GPC5: variants seen among roughly 807,000 people sequenced by gnomAD.
GPC5 encodes the protein glypican-5.
GPC5 carries 47 observed loss-of-function variants against 53.9 expected under a neutral mutation model. The ratio of observed to expected loss-of-function variants is 0.87; its 90% confidence interval spans 0.69 to 1.11. The LOEUF (loss-of-function observed/expected upper bound fraction) is 1.11. Among genes scored for constraint, GPC5 ranks in the 50% most tolerant of loss-of-function variants. GPC5 has a pLI of 0.00. For missense variants in GPC5, 748 were observed against 713.1 expected (o/e 1.05, Z -0.56); for synonymous variants, 286 against 263.3 (o/e 1.09, Z -0.84).
intron 7 of GPC5, among the ~76,000 whole-genome samples, chr13:92,416,788 C>T (rs1041589058): frequency 6.6e-6 from 1 of 152,072 alleles, no homozygotes; most frequent in Non-Finnish European, 1.5e-5. Flanking sequence ...AAACAACTCA[C>T]AATGTGGGAG....
At chr13:92,009,227 T>C (rs886425199) in intron 6 of GPC5, among the ~76,000 whole-genome samples, 2 of 147,720 alleles carry the variant, frequency 1.4e-5, no homozygotes, top group African/African-American at 4.9e-5. Flanking sequence ...TCATTATTTT[T>C]TTTTATCTGT....
chr13:92,595,083 T>TTTCTG (rs1883826564), intron 7 of GPC5, among the ~76,000 whole-genome samples: 1 of 152,182 alleles, frequency 6.6e-6, no homozygotes, highest in South Asian at 2.1e-4. Flanking sequence ...TTACCTAGAT[T>TTTCTG]CAAGAAGGCA....
chr13:91,994,050 C>G (rs991359468), intron 6 of GPC5, among the ~76,000 whole-genome samples: 2 of 152,154 alleles, frequency 1.3e-5, no homozygotes, highest in African/African-American at 4.8e-5. Flanking sequence ...AACTGCCTAA[C>G]GTTGAGATGT....
At chr13:92,110,683 C>T (rs961838436) in intron 6 of GPC5, among the ~76,000 whole-genome samples, 1 of 152,162 alleles carries the variant, frequency 6.6e-6, no homozygotes, top group African/African-American at 2.4e-5. Flanking sequence ...TTTTAGTTCT[C>T]TAAGGCTACA....
At chr13:91,680,753 A>G (rs1330691165) in intron 2 of GPC5, among the ~76,000 whole-genome samples, 2 of 152,226 alleles carry the variant, frequency 1.3e-5, no homozygotes, top group African/African-American at 4.8e-5. Flanking sequence ...TTTTCTTCAT[A>G]TACCTTGACC....
chr13:92,458,307 G>C (rs1180970365), intron 7 of GPC5, among the ~76,000 whole-genome samples: 1 of 135,536 alleles, frequency 7.4e-6, no homozygotes, highest in Non-Finnish European at 1.6e-5. Context: ...TTTTTTTGGG[G>C]GGGGCAGGGT....
At chr13:92,133,630 T>C (rs558958832) in intron 6 of GPC5, among the ~76,000 whole-genome samples, 1 of 152,272 alleles carries the variant, frequency 6.6e-6, no homozygotes, top group Non-Finnish European at 1.5e-5. Context: ...CCTCCCTCTC[T>C]CCCTTCTATG....
At position 91,437,478 on chromosome 13, in the gene GPC5, T is replaced by C. The variant is rs537048898; in HGVS notation, c.164-11283T>C. On this transcript the variant is annotated intron_variant, in intron 1 of 7. Coordinates refer to ENST00000377067, the MANE Select transcript of GPC5 (RefSeq NM_004466.6). ...TTTGGTTGGATATGAAATTCTGGGT[T>C]GAAAATTCTTTTCTTTAAGAATGTT... Among the ~76,000 whole-genome samples the C allele has an allele frequency of 3.9e-5, 6 of 152,354 alleles. No homozygotes were observed. The East Asian group carries it at 9.6e-4, about 24-fold the overall frequency.
intron 7 of GPC5, among the ~76,000 whole-genome samples, chr13:92,832,913 C>A (rs1249131843): frequency 6.6e-6 from 1 of 152,128 alleles, no homozygotes; most frequent in Non-Finnish European, 1.5e-5. Flanking sequence ...AAGGCTGAGG[C>A]AGAAGAATCA....
chr13:92,685,061 T>C (rs1367467697), intron 7 of GPC5, among the ~76,000 whole-genome samples: 2 of 151,978 alleles, frequency 1.3e-5, no homozygotes, highest in Non-Finnish European at 2.9e-5. Flanking sequence ...CCTTTCCCTT[T>C]CCATTGCCAG....
intron 7 of GPC5, among the ~76,000 whole-genome samples, chr13:92,812,438 T>A (rs1334504558): frequency 6.6e-6 from 1 of 151,838 alleles, no homozygotes; most frequent in Non-Finnish European, 1.5e-5. Flanking sequence ...AAGAAAAAAT[T>A]CACATGATCA....
At chr13:92,438,562 T>G (rs988786538) in intron 7 of GPC5, among the ~76,000 whole-genome samples, 2 of 151,792 alleles carry the variant, frequency 1.3e-5, no homozygotes, top group African/African-American at 4.8e-5. Context: ...TGCTACATGA[T>G]TAAGTGTATG....
intron 2 of GPC5, 29 bp downstream of exon 2, chr13:91,448,951 G>A: frequency 6.2e-7 from 1 of 1,603,924 alleles, no homozygotes; most frequent in Non-Finnish European, 8.5e-7. Context: ...CTGCAACTAA[G>A]GACTGGCCGT....
intron 6 of GPC5, among the ~76,000 whole-genome samples, chr13:91,999,858 C>T (rs182492336): frequency 2.6e-5 from 4 of 152,248 alleles, no homozygotes; most frequent in African/African-American, 7.2e-5. Flanking sequence ...TTTCTAATTC[C>T]ACTTTCTGCA....
chr13:92,556,931 G>A (rs1882514411), intron 7 of GPC5, among the ~76,000 whole-genome samples: 1 of 151,788 alleles, frequency 6.6e-6, no homozygotes, highest in Non-Finnish European at 1.5e-5. Context: ...CCTATAAACA[G>A]GAGAGGAAAA....
At chr13:92,128,277 G>A (rs529534496) in intron 6 of GPC5, among the ~76,000 whole-genome samples, 1 of 152,148 alleles carries the variant, frequency 6.6e-6, no homozygotes, top group Non-Finnish European at 1.5e-5. Flanking sequence ...CTTTTATAGA[G>A]AGTGGTTCAT....
At chr13:92,310,729 G>A (rs1352572855) in intron 7 of GPC5, among the ~76,000 whole-genome samples, 2 of 152,042 alleles carry the variant, frequency 1.3e-5, no homozygotes, top group East Asian at 1.9e-4. Flanking sequence ...CCTATTTTCA[G>A]TCCTCCCTAC....
chr13:92,204,744 T>C (rs2042320614), intron 7 of GPC5, among the ~76,000 whole-genome samples: 1 of 152,210 alleles, frequency 6.6e-6, no homozygotes, highest in African/African-American at 2.4e-5. Flanking sequence ...TTTCCAAACA[T>C]GAGCTTTCTA....
chr13:92,434,290 C>T (rs1877212861), intron 7 of GPC5, among the ~76,000 whole-genome samples: 1 of 152,056 alleles, frequency 6.6e-6, no homozygotes, highest in African/African-American at 2.4e-5. Flanking sequence ...TAAGAAATGA[C>T]TATTTTTCTT....
Sources: gnomAD v4.1 joint callset for allele counts (sites outside exome capture counted in the v4.1 genomes callset) on GRCh38, gnomAD v4.1.1 for gene constraint, MANE v1.5 for transcripts, NCBI Gene and HGNC (gene_info 2026-07-23, HGNC 2026-07-21) for gene names.